HECW1: variants seen among roughly 807,000 people sequenced by gnomAD.
HECW1 encodes HECT, C2 and WW domain containing E3 ubiquitin protein ligase 1.
Under a neutral mutation model 182.3 loss-of-function variants are expected in HECW1, and 61 were observed. The observed-to-expected ratio is 0.33, with a 90% confidence interval of 0.27 to 0.41. The LOEUF is 0.41. HECW1 is among the 10% of genes least tolerant of loss of function. The probability of loss-of-function intolerance (pLI) is 1.00; values close to 1 mark genes in which losing one functional copy is unlikely to be tolerated. For missense variants in HECW1, 1,739 were observed against 2,108.9 expected, an observed-to-expected ratio of 0.82 and a Z score of 3.44; for synonymous variants, 859 against 832.6, an observed-to-expected ratio of 1.03 and a Z score of -0.55.
chr7:43,482,249 C>G, intron 17 of HECW1, among the ~76,000 whole-genome samples: 1 of 152,114 alleles, frequency 6.6e-6, no homozygotes, highest in East Asian at 1.9e-4. Context: ...GACTCGGCCT[C>G]TAAGAAAATA....
intron 3 of HECW1, among the ~76,000 whole-genome samples, chr7:43,252,017 C>G (rs1217616035): frequency 6.6e-6 from 1 of 152,142 alleles, no homozygotes; most frequent in South Asian, 2.1e-4. Context: ...CAGCAGTATC[C>G]TCCTCCTGTT....
intron 2 of HECW1, among the ~76,000 whole-genome samples, chr7:43,226,816 C>T (rs1797469488): frequency 6.6e-6 from 1 of 152,224 alleles, no homozygotes; most frequent in African/African-American, 2.4e-5. Flanking sequence ...CACATGGGCG[C>T]CCTCTGCATC....
intron 2 of HECW1, among the ~76,000 whole-genome samples, chr7:43,240,254 C>T (rs1352002836): frequency 1.3e-5 from 2 of 152,132 alleles, no homozygotes; most frequent in Non-Finnish European, 2.9e-5. Context: ...AGGAGAATGG[C>T]GTGAACCCGG....
chr7:43,317,101 G>T (rs899388782), intron 4 of HECW1, among the ~76,000 whole-genome samples: 1 of 152,058 alleles, frequency 6.6e-6, no homozygotes, highest in Non-Finnish European at 1.5e-5. Flanking sequence ...AGGATTCCTT[G>T]AGCTAATACA....
chr7:43,140,733 C>T (rs1332059709), intron 2 of HECW1, among the ~76,000 whole-genome samples: 1 of 152,172 alleles, frequency 6.6e-6, no homozygotes, highest in Non-Finnish European at 1.5e-5. Context: ...TAAGTGATGA[C>T]ACAGACTGGG....
At chr7:43,354,142 C>A (rs1814801074) in intron 5 of HECW1, among the ~76,000 whole-genome samples, 1 of 147,622 alleles carries the variant, frequency 6.8e-6, no homozygotes, top group African/African-American at 2.5e-5. Context: ...AGAAAGATAT[C>A]AACAGGTAAA....
rs138908700 is a variant in HECW1 at position 43,173,725 on chromosome 7, C to T, written c.-32+59334C>T. Among the ~76,000 whole-genome samples, 251 of 152,314 alleles carry T rather than the reference C, an allele frequency of 1.6e-3. 3 individuals are homozygous for T. Among genetic ancestry groups the T allele is most frequent in the Non-Finnish European group, 3.1e-3 (212 of 68,038 alleles). ...GCAGCTCACCTCCCGCTGTGCAGCCCAGTTCCAAACAGGCCAAGGACCACT... is the reference window on the plus strand; with the variant it reads ...GCAGCTCACCTCCCGCTGTGCAGCCTAGTTCCAAACAGGCCAAGGACCACT... On this transcript the variant is annotated intron_variant, in intron 2 of 29. Transcript: ENST00000395891.
At chr7:43,124,822 T>G (rs975338706) in intron 2 of HECW1, among the ~76,000 whole-genome samples, 10 of 152,284 alleles carry the variant, frequency 6.6e-5, no homozygotes, top group Middle Eastern at 3.4e-3. Context: ...AATTTTATAA[T>G]TTTAAGATTT....
intron 3 of HECW1, among the ~76,000 whole-genome samples, chr7:43,252,593 C>A: frequency 6.6e-6 from 1 of 152,242 alleles, no homozygotes. Context: ...TGATCCCAGC[C>A]TCTCATTAAA....
intron 2 of HECW1, among the ~76,000 whole-genome samples, chr7:43,222,462 A>G (rs1797067490): frequency 6.6e-6 from 1 of 152,170 alleles, no homozygotes; most frequent in African/African-American, 2.4e-5. Context: ...CTAGGATCAG[A>G]TGTTTTCAAA....
rs374771774 is a variant in HECW1 at position 43,255,258 on chromosome 7, T to A, written c.27+11326T>A. ...GGAGAGAGTCAAGTACTGTTCCAGGTACTACATTACCTTATTTTGATAACT... is the reference window on the plus strand; with the variant it reads ...GGAGAGAGTCAAGTACTGTTCCAGGAACTACATTACCTTATTTTGATAACT... On this transcript the variant is annotated intron_variant, in intron 3 of 29. Transcript: ENST00000395891. Among the ~76,000 whole-genome samples the A allele has an allele frequency of 3.9e-5, 6 of 152,286 alleles. No individual in the cohort carries two copies. In the East Asian group the frequency reaches 1.2e-3, roughly 29 times the overall value.
At chr7:43,136,909 G>C (rs1787601919) in intron 2 of HECW1, among the ~76,000 whole-genome samples, 1 of 152,134 alleles carries the variant, frequency 6.6e-6, no homozygotes, top group Non-Finnish European at 1.5e-5. Flanking sequence ...AGGCATTTCA[G>C]CTGAGAAACC....
chr7:43,333,463 A>G (rs1811749841), intron 5 of HECW1, among the ~76,000 whole-genome samples: 1 of 152,242 alleles, frequency 6.6e-6, no homozygotes, highest in Non-Finnish European at 1.5e-5. Context: ...ATGCATTTAT[A>G]AAAGTATTAC....
At chr7:43,547,972 A>G (rs1357595459) in intron 26 of HECW1, among the ~76,000 whole-genome samples, 9 of 152,248 alleles carry the variant, frequency 5.9e-5, no homozygotes, top group African/African-American at 1.9e-4. Context: ...ACTTGCGTTC[A>G]TCGCAAAAAA....
intron 3 of HECW1, among the ~76,000 whole-genome samples, chr7:43,258,121 C>A (rs1002958310): frequency 6.6e-6 from 1 of 152,074 alleles, no homozygotes; most frequent in African/African-American, 2.4e-5. Context: ...AGGTGGATCA[C>A]CTGAGGTCAT....
At chr7:43,339,412 C>T (rs1370134160) in intron 5 of HECW1, among the ~76,000 whole-genome samples, 1 of 152,142 alleles carries the variant, frequency 6.6e-6, no homozygotes, top group Non-Finnish European at 1.5e-5. Context: ...CATAAAGTTC[C>T]TAATTTCAGC....
At chr7:43,340,496 C>T (rs927895886) in intron 5 of HECW1, among the ~76,000 whole-genome samples, 1 of 151,420 alleles carries the variant, frequency 6.6e-6, no homozygotes, top group Non-Finnish European at 1.5e-5. Flanking sequence ...GCTGGGATTA[C>T]AGGTGTGAGC....
chr7:43,344,864 G>A (rs1323515699), intron 5 of HECW1, among the ~76,000 whole-genome samples: 2 of 152,004 alleles, frequency 1.3e-5, no homozygotes, highest in Admixed American at 6.5e-5. Flanking sequence ...CAAAATTTCT[G>A]TTTGGTTCAT....
At chr7:43,304,265 G>A (rs1423175612) in intron 3 of HECW1, among the ~76,000 whole-genome samples, 4 of 151,888 alleles carry the variant, frequency 2.6e-5, no homozygotes, top group Admixed American at 2.6e-4. Context: ...AGGGATTCCC[G>A]GTGCTTCTGC....
Sources: gnomAD v4.1 joint callset for allele counts (sites outside exome capture counted in the v4.1 genomes callset) on GRCh38, gnomAD v4.1.1 for gene constraint, MANE v1.5 for transcripts, NCBI Gene and HGNC (gene_info 2026-07-23, HGNC 2026-07-21) for gene names.